The following PRKG1 variants were observed in gnomAD, a reference collection of about 807,000 sequenced individuals.
PRKG1 encodes the protein protein kinase cGMP-dependent 1.
Under a neutral mutation model 88.1 loss-of-function variants are expected in PRKG1, and 35 were observed. The ratio of observed to expected loss-of-function variants is 0.40; its 90% CI spans 0.30 to 0.53. The LOEUF is 0.53. Among genes scored for constraint, PRKG1 ranks in the 20% least tolerant of loss-of-function variants. The pLI is 0.59. For synonymous variants in PRKG1, 303 were observed against 292.5 expected, an observed-to-expected ratio of 1.04 and a Z score of -0.37; for missense variants, 540 against 839.8, an observed-to-expected ratio of 0.64 and a Z score of 4.41.
At chr10:52,289,727 T>C (rs1842198386) in intron 16 of PRKG1, among the ~76,000 whole-genome samples, 1 of 152,104 alleles carries the variant, frequency 6.6e-6, no homozygotes, top group South Asian at 2.1e-4. Flanking sequence ...ATCTTTATTC[T>C]TCATTAAAAA....
intron 2 of PRKG1, among the ~76,000 whole-genome samples, chr10:51,331,573 G>T (rs1841742564): frequency 6.6e-6 from 1 of 152,138 alleles, no homozygotes; most frequent in African/African-American, 2.4e-5. Flanking sequence ...CCTGAGGTTG[G>T]GGGAGGGATG....
intron 7 of PRKG1, among the ~76,000 whole-genome samples, chr10:52,064,885 GC>G: frequency 6.6e-6 from 1 of 152,304 alleles, no homozygotes; most frequent in East Asian, 1.9e-4. Flanking sequence ...TGATCACAAG[GC>G]AGTGAAGTAT....
chr10:51,269,483 G>A (rs1328728511), intron 2 of PRKG1, among the ~76,000 whole-genome samples: 2 of 152,088 alleles, frequency 1.3e-5, no homozygotes, highest in East Asian at 1.9e-4. Flanking sequence ...ATCAACCAAC[G>A]AATGGATAAA....
At chr10:51,406,762 T>C (rs1233754646) in intron 2 of PRKG1, among the ~76,000 whole-genome samples, 1 of 152,134 alleles carries the variant, frequency 6.6e-6, no homozygotes, top group African/African-American at 2.4e-5. Context: ...GCACTGGATA[T>C]GTTCAGATGG....
chr10:51,462,563 A>G (rs1246255766), intron 2 of PRKG1, among the ~76,000 whole-genome samples: 1 of 152,164 alleles, frequency 6.6e-6, no homozygotes, highest in Admixed American at 6.5e-5. Context: ...GCCAAAAACC[A>G]GATGATTGAT....
chr10:51,753,969 G>T (rs1564633637), intron 3 of PRKG1, among the ~76,000 whole-genome samples: 1 of 151,716 alleles, frequency 6.6e-6, no homozygotes. Context: ...TTGTATTTTT[G>T]TTTTCAGGAT....
intron 5 of PRKG1, among the ~76,000 whole-genome samples, chr10:51,942,223 C>G (rs1314754522): frequency 1.3e-5 from 2 of 151,256 alleles, no homozygotes; most frequent in Middle Eastern, 3.2e-3. Context: ...CATTTTTTCA[C>G]GTGTTTTTTG....
At chr10:51,271,351 T>C (rs1839975826) in intron 2 of PRKG1, among the ~76,000 whole-genome samples, 1 of 152,154 alleles carries the variant, frequency 6.6e-6, no homozygotes, top group South Asian at 2.1e-4. Context: ...TCATCTAGTT[T>C]CCCATGGATA....
At chr10:51,287,853 T>TA (rs1840481992) in intron 2 of PRKG1, among the ~76,000 whole-genome samples, 1 of 152,150 alleles carries the variant, frequency 6.6e-6, no homozygotes, top group Non-Finnish European at 1.5e-5. Context: ...TTAAGAGCTT[T>TA]AAAAAATTAT....
intron 3 of PRKG1, among the ~76,000 whole-genome samples, chr10:51,610,565 T>C (rs1838880202): frequency 6.6e-6 from 1 of 152,202 alleles, no homozygotes; most frequent in Non-Finnish European, 1.5e-5. Context: ...ATTGATTTCA[T>C]ATCTTTGCTA....
At chr10:52,017,959 A>T (rs1292279455) in intron 5 of PRKG1, among the ~76,000 whole-genome samples, 1 of 152,126 alleles carries the variant, frequency 6.6e-6, no homozygotes, top group African/African-American at 2.4e-5. Context: ...ATAAACTACA[A>T]TTGCACTTTT....
At chr10:51,071,855 T>C (rs1048971776), upstream of PRKG1, among the ~76,000 whole-genome samples, 5 of 152,176 alleles carry the variant, frequency 3.3e-5, no homozygotes, top group African/African-American at 9.7e-5. Flanking sequence ...CTAAATAAAC[T>C]CTAAAACATC....
intron 8 of PRKG1, among the ~76,000 whole-genome samples, chr10:52,154,359 T>G (rs989988115): frequency 6.6e-6 from 1 of 152,100 alleles, no homozygotes; most frequent in Non-Finnish European, 1.5e-5. Flanking sequence ...ATCTTGCGCT[T>G]GGATGTCTCA....
intron 8 of PRKG1, among the ~76,000 whole-genome samples, chr10:52,134,505 C>CT (rs1436824624): frequency 1.3e-5 from 2 of 152,106 alleles, no homozygotes; most frequent in Non-Finnish European, 2.9e-5. Context: ...TACCTGGATG[C>CT]TTTATAAGTT....
At chr10:51,975,207 T>C (rs1843801136) in intron 5 of PRKG1, among the ~76,000 whole-genome samples, 1 of 152,100 alleles carries the variant, frequency 6.6e-6, no homozygotes. Context: ...TCAGAGATAC[T>C]AAGTAATTTG....
intron 5 of PRKG1, among the ~76,000 whole-genome samples, chr10:51,967,034 A>G (rs1394858330): frequency 1.3e-5 from 2 of 152,158 alleles, no homozygotes; most frequent in African/African-American, 4.8e-5. Context: ...TAGAAATACC[A>G]TTTGACCCAG....
chr10:51,857,335 T>G (rs1043404326), intron 4 of PRKG1, among the ~76,000 whole-genome samples: 1 of 152,238 alleles, frequency 6.6e-6, no homozygotes, highest in Non-Finnish European at 1.5e-5. Flanking sequence ...CAACTAATTC[T>G]AATACTAATG....
At chr10:51,990,806 G>A (rs1294688186) in intron 5 of PRKG1, among the ~76,000 whole-genome samples, 1 of 151,998 alleles carries the variant, frequency 6.6e-6, no homozygotes, top group Non-Finnish European at 1.5e-5. Flanking sequence ...ACTTATAAGT[G>A]AGAACATATA....
chr10:51,285,760 G>A (rs1046682009), intron 2 of PRKG1, among the ~76,000 whole-genome samples: 1 of 152,170 alleles, frequency 6.6e-6, no homozygotes, highest in Admixed American at 6.5e-5. Context: ...AGTGGGAGAT[G>A]AAAGGGCTGA....
Sources: allele counts gnomAD v4.1 joint callset (sites outside exome capture counted in the v4.1 genomes callset), GRCh38; gene constraint gnomAD v4.1.1; transcripts MANE v1.5; gene names NCBI Gene and HGNC (gene_info 2026-07-23, HGNC 2026-07-21).